The following IQCK variants were observed in gnomAD, a reference collection of about 807,000 sequenced individuals.
IQCK encodes IQ domain-containing protein K.
IQCK carries 29 observed loss-of-function variants against 28.1 expected under a neutral mutation model. That is an observed-to-expected ratio of 1.03 (90% CI 0.77 to 1.41). IQCK has a LOEUF of 1.41. Ranked by LOEUF, IQCK falls within the 40% of genes most tolerant of loss-of-function variation. The pLI, the probability that IQCK is intolerant of heterozygous loss-of-function variation, is 0.00. For synonymous variants in IQCK, 113 were observed against 115.1 expected (o/e 0.98, Z 0.12); for missense variants, 359 against 314.7 (o/e 1.14, Z -1.07).
chr16:19,727,270 C>T (rs1054545144), intron 1 of IQCK, among the ~76,000 whole-genome samples: 16 of 151,998 alleles, frequency 1.1e-4, no homozygotes, highest in Non-Finnish European at 1.6e-4. Flanking sequence ...TTGACCTAGC[C>T]TGGGAAATTG....
chr16:19,731,583 T>C (rs1331332735), intron 2 of IQCK, among the ~76,000 whole-genome samples: 1 of 152,214 alleles, frequency 6.6e-6, no homozygotes, highest in African/African-American at 2.4e-5. Context: ...GTTCTGACAA[T>C]ATATGTTGAT....
chr16:19,766,254 T>TATAAAAAC (rs2055235718), intron 6 of IQCK, among the ~76,000 whole-genome samples: 1 of 152,266 alleles, frequency 6.6e-6, no homozygotes, highest in South Asian at 2.1e-4. Context: ...ATGAATAAAG[T>TATAAAAAC]ATGGCCCTGG....
rs144571503 is a variant in IQCK, at chr16:19,799,673, T to C, written c.690+10751T>C. 3.1e-5 allele frequency among the ~76,000 whole-genome samples: 4 copies of C among 128,868 alleles called. No individual in the cohort carries two copies. The East Asian group carries it at 8.3e-4, about 27-fold the overall frequency. 84.5% of individuals were successfully genotyped at this position (128,868 alleles called of 152,430 possible). On this transcript the variant is annotated intron_variant, in intron 7 of 7. Transcript: ENST00000564186. Reference sequence around the variant, plus strand: ...AATACATTGAGTCATAACTTAATCATAGGTGGTTAGACATTCTTGTTTCCT... The same window carrying C: ...AATACATTGAGTCATAACTTAATCACAGGTGGTTAGACATTCTTGTTTCCT...
chr16:19,728,659 GCCTGATAAAACCCTGAT>G (rs1977734504), intron 1 of IQCK, among the ~76,000 whole-genome samples: 1 of 152,206 alleles, frequency 6.6e-6, no homozygotes, highest in Non-Finnish European at 1.5e-5. Context: ...CTTGAATTCA[GCCTGATAAAACCCTGAT>G]CCATTCTTGG....
In IQCK at chr16:19,793,651, T is replaced by G. The variant is rs866906564; in HGVS notation, c.690+4729T>G. The stretch of plus-strand genomic sequence containing the variant: ...ATCGAAATCTCAGTTGGGTTTTTTT[T>G]TTTTTTTTTTTTTTTTTTTTTTGTG... On this transcript the variant is annotated intron_variant, in intron 7 of 7. Coordinates refer to ENST00000564186, the Ensembl canonical transcript of IQCK. 3.1e-3 allele frequency among the ~76,000 whole-genome samples: 391 copies of G among 126,840 alleles called. 23 individuals carry two copies. Among genetic ancestry groups the G allele is most frequent in the African/African-American group, 0.012 (334 of 28,074 alleles). 83.2% of individuals were successfully genotyped at this position (126,840 alleles called of 152,430 possible). A position where few individuals can be genotyped will look rare whatever the true frequency, so the allele number is the denominator to read the frequency against.
intron 6 of IQCK, among the ~76,000 whole-genome samples, chr16:19,770,047 T>C (rs1420633718): frequency 6.6e-6 from 1 of 152,144 alleles, no homozygotes; most frequent in African/African-American, 2.4e-5. Context: ...GGGGCACTTT[T>C]AGATTGAGGT....
chr16:19,732,991 A>G (rs1045529307), intron 2 of IQCK, among the ~76,000 whole-genome samples: 2 of 152,180 alleles, frequency 1.3e-5, no homozygotes, highest in Non-Finnish European at 2.9e-5. Flanking sequence ...CAGCCTTGCC[A>G]TATATCATTC....
chr16:19,835,117 A>T (rs936056092), intron 9 of IQCK, among the ~76,000 whole-genome samples: 1 of 152,018 alleles, frequency 6.6e-6, no homozygotes, highest in Non-Finnish European at 1.5e-5. Context: ...ATACAAAAAA[A>T]TTAGCCAGGC....
intron 1 of IQCK, among the ~76,000 whole-genome samples, chr16:19,730,224 G>A (rs1977788302): frequency 6.6e-6 from 1 of 152,158 alleles, no homozygotes; most frequent in Admixed American, 6.6e-5. Flanking sequence ...CAAAAGTGCT[G>A]GGATTACAGG....
chr16:19,831,461 A>G (rs148941266), downstream of IQCK, among the ~76,000 whole-genome samples: 9 of 152,210 alleles, frequency 5.9e-5, no homozygotes, highest in East Asian at 1.5e-3. Flanking sequence ...GTTACTTCCT[A>G]TTTTAAACCT....
At chr16:19,857,520 A>G (rs760672604) in exon 10 of IQCK, 2 of 408,424 alleles carry the variant, frequency 4.9e-6, no homozygotes, top group Non-Finnish European at 9.4e-6. Flanking sequence ...CATTTAATAA[A>G]TATATATTAT....
At chr16:19,784,625 T>TG (rs1395763342) in intron 6 of IQCK, among the ~76,000 whole-genome samples, 2 of 152,192 alleles carry the variant, frequency 1.3e-5, no homozygotes, top group African/African-American at 4.8e-5. Context: ...TGTCTACTCT[T>TG]GTGGAGCTTT....
intron 6 of IQCK, chr16:19,765,947 G>C (rs1025531590): frequency 3.9e-5 from 6 of 152,036 alleles, no homozygotes; most frequent in Non-Finnish European, 8.8e-5. Context: ...AATCCTCTTA[G>C]CTTTATTTAT....
intron 2 of IQCK, among the ~76,000 whole-genome samples, chr16:19,733,295 G>A (rs1322223923): frequency 2.0e-5 from 3 of 151,850 alleles, no homozygotes. Flanking sequence ...CCGCCACCAC[G>A]CCTGGCTACT....
At chr16:19,853,859 C>A (rs1274857454) in intron 9 of IQCK, among the ~76,000 whole-genome samples, 1 of 152,244 alleles carries the variant, frequency 6.6e-6, no homozygotes, top group Non-Finnish European at 1.5e-5. Flanking sequence ...AACCCCTGAC[C>A]TCAAGTGACC....
At chr16:19,810,235 G>A (rs62025047) in intron 7 of IQCK, among the ~76,000 whole-genome samples, 26,575 of 152,070 alleles carry the variant, frequency 0.17, 2,406 homozygotes, top group South Asian at 0.27. Flanking sequence ...GGTGGCTCAT[G>A]CCTGTAATCC....
intron 9 of IQCK, among the ~76,000 whole-genome samples, chr16:19,845,644 A>G (rs1376766453): frequency 6.6e-6 from 1 of 152,266 alleles, no homozygotes; most frequent in East Asian, 1.9e-4. Context: ...GAAAATACGA[A>G]TAGATCTATA....
chr16:19,732,581 C>A (rs945377786), intron 2 of IQCK, among the ~76,000 whole-genome samples: 1 of 152,218 alleles, frequency 6.6e-6, no homozygotes, highest in Non-Finnish European at 1.5e-5. Context: ...CCGCCTTTTC[C>A]TCCCAAAGTA....
chr16:19,818,255 TG>T (rs966585225), intron 7 of IQCK, among the ~76,000 whole-genome samples: 2 of 152,192 alleles, frequency 1.3e-5, no homozygotes, highest in Non-Finnish European at 2.9e-5. Flanking sequence ...AACACTGGTT[TG>T]TAATCATAAA....
Sources: allele counts gnomAD v4.1 joint callset (sites outside exome capture counted in the v4.1 genomes callset), GRCh38; gene constraint gnomAD v4.1.1; transcripts MANE v1.5; gene names NCBI Gene and HGNC (gene_info 2026-07-23, HGNC 2026-07-21).